The following PCGF6 variants were observed in gnomAD, a reference collection of about 807,000 sequenced individuals.
PCGF6 encodes the protein polycomb group ring finger 6.
In PCGF6, 24 loss-of-function variants were observed where a neutral mutation model predicts 45.5. The observed-to-expected ratio is 0.53, with a 90% CI of 0.38 to 0.74. The LOEUF is 0.74. Among genes scored for constraint, PCGF6 ranks in the 30% least tolerant of loss-of-function variants. The pLI is 0.00. For missense variants in PCGF6, 356 were observed against 443.2 expected (o/e 0.80, Z 1.77); for synonymous variants, 152 against 162.1 (o/e 0.94, Z 0.47).
intron 1 of PCGF6, among the ~76,000 whole-genome samples, chr10:103,350,367 A>T (rs1262662943): frequency 1.3e-5 from 2 of 151,592 alleles, no homozygotes; most frequent in Non-Finnish European, 2.9e-5. Flanking sequence ...TGAGGCCAGG[A>T]GTTGGAGGCT....
Position 103,339,804 on chromosome 10 carries a change from AAAAAAAACAC to A in PCGF6, c.782+5210_782+5219del, listed in dbSNP as rs1442015562. Among the ~76,000 whole-genome samples the A allele has an allele frequency of 6.0e-3, 241 of 39,938 alleles. 4 individuals are homozygous for A. Among genetic ancestry groups the A allele is most frequent in the Non-Finnish European group, 5.9e-3 (117 of 19,898 alleles). The allele number at this position is 39,938 out of a possible 152,430, so 26.2% of individuals were successfully genotyped here. ...AAAAGCGAAATTCTGTCTGTCTCAA[AAAAAAAACAC>A]ACACACACACACACACACACACACA... On this transcript the variant is annotated intron_variant, in intron 6 of 9. Coordinates refer to ENST00000369847, the MANE Select transcript of PCGF6 (RefSeq NM_001011663.2).
At chr10:103,306,313 G>A (rs182398733) in intron 9 of PCGF6, among the ~76,000 whole-genome samples, 3 of 152,144 alleles carry the variant, frequency 2.0e-5, no homozygotes, top group East Asian at 3.9e-4. Flanking sequence ...GGTCAGGCTG[G>A]TCTTGAACTC....
intron 5 of PCGF6, among the ~76,000 whole-genome samples, chr10:103,345,852 T>G (rs1019993224): frequency 4.1e-5 from 6 of 147,170 alleles, no homozygotes; most frequent in Non-Finnish European, 1.5e-5. Flanking sequence ...AAACTGAGGC[T>G]TAGAGAGAGT....
At chr10:103,328,747 T>C (rs1047596876) in intron 7 of PCGF6, among the ~76,000 whole-genome samples, 4 of 152,160 alleles carry the variant, frequency 2.6e-5, no homozygotes, top group Admixed American at 6.6e-5. Flanking sequence ...GATTTTAACT[T>C]TTTTTGTTTG....
chr10:103,347,638 A>C (rs541137296), intron 3 of PCGF6, among the ~76,000 whole-genome samples, 188 bp from the exon 4 acceptor site: 1 of 152,198 alleles, frequency 6.6e-6, no homozygotes, highest in Non-Finnish European at 1.5e-5. Context: ...ATATGTAATC[A>C]TAAGTATTCA....
At chr10:103,313,047 C>A (rs189364532) in intron 9 of PCGF6, among the ~76,000 whole-genome samples, 15 of 152,374 alleles carry the variant, frequency 9.8e-5, no homozygotes, top group Admixed American at 6.5e-4. Flanking sequence ...GTCCTATTTT[C>A]TCTTCATTAA....
At chr10:103,324,328 G>GA (rs35051041) in intron 8 of PCGF6, among the ~76,000 whole-genome samples, 73 of 131,684 alleles carry the variant, frequency 5.5e-4, no homozygotes, top group Middle Eastern at 3.6e-3. Flanking sequence ...TTTGACTAAT[G>GA]AAAAAAAAAA....
chr10:103,321,002 A>T (rs1483594371), intron 8 of PCGF6, among the ~76,000 whole-genome samples: 1 of 152,154 alleles, frequency 6.6e-6, no homozygotes, highest in Non-Finnish European at 1.5e-5. Flanking sequence ...CTCTACCTTA[A>T]ATTTAGGCCT....
chr10:103,305,222 A>T (rs372340928), intron 9 of PCGF6, among the ~76,000 whole-genome samples: 1 of 149,130 alleles, frequency 6.7e-6, no homozygotes, highest in Admixed American at 6.7e-5. Context: ...CAATACCCCC[A>T]TCTTGGCTTC....
intron 6 of PCGF6, among the ~76,000 whole-genome samples, chr10:103,338,852 G>C (rs1437701747): frequency 6.6e-6 from 1 of 152,082 alleles, no homozygotes; most frequent in South Asian, 2.1e-4. Flanking sequence ...TGGACAAGAA[G>C]AGTGAAACTC....
intron 6 of PCGF6, among the ~76,000 whole-genome samples, chr10:103,338,564 G>C (rs2093267151): frequency 1.4e-5 from 2 of 143,050 alleles, no homozygotes. Context: ...AAAAAAAGAA[G>C]ACCATAAAAC....
intron 5 of PCGF6, among the ~76,000 whole-genome samples, chr10:103,346,197 A>G (rs755281103): frequency 7.8e-6 from 1 of 128,306 alleles, no homozygotes; most frequent in Non-Finnish European, 1.6e-5. Context: ...CATCTCATTT[A>G]AAAAAAAAAA....
chr10:103,314,766 A>G (rs2093168535), intron 8 of PCGF6, among the ~76,000 whole-genome samples: 1 of 151,964 alleles, frequency 6.6e-6, no homozygotes, highest in East Asian at 1.9e-4. Context: ...CCTGGCCAAC[A>G]TGGTGAAACC....
rs930258644 is a variant in PCGF6, at chr10:103,326,522, T to C, written c.909+12A>G. 17 of 1,573,986 alleles carry C rather than the reference T, an allele frequency of 1.1e-5. No homozygotes were observed. Among genetic ancestry groups the C allele is most frequent in the Non-Finnish European group, 1.4e-5 (16 of 1,154,714 alleles). On this transcript the variant is annotated intron_variant, in intron 8 of 9. Coordinates refer to ENST00000369847, the MANE Select transcript of PCGF6 (RefSeq NM_001011663.2). The stretch of plus-strand genomic sequence containing the variant: ...ACAACTTTACCTATTCTTTTACATA[T>C]ATGTACTGTACCTGACAAGCTGGAT...
chr10:103,324,775 C>CCCA, intron 8 of PCGF6, among the ~76,000 whole-genome samples: 1 of 86,824 alleles, frequency 1.2e-5, no homozygotes, highest in African/African-American at 4.0e-5. Context: ...AAAAAAAAAC[C>CCCA]AAAAAAAAAA....
intron 6 of PCGF6, among the ~76,000 whole-genome samples, chr10:103,337,456 TAGAAATACAGA>T (rs2093261181): frequency 6.6e-6 from 1 of 152,188 alleles, no homozygotes. Flanking sequence ...ACCTCCAGTT[TAGAAATACAGA>T]AACTGATGAT....
In PCGF6 at chr10:103,345,143, G is replaced by A. The variant is rs767284797; in HGVS notation, c.674-11C>T. 42 of 1,544,208 alleles carry A rather than the reference G, an allele frequency of 2.7e-5. No individual in the cohort carries two copies. The highest frequency in any genetic ancestry group is 3.6e-5 in the Non-Finnish European group (41 of 1,132,924). ...CTGGCTGTGGAACAGCTATTTAATAGTCAAACAAAAATGTTAATTAAGAAT... is the reference window on the plus strand; with the variant it reads ...CTGGCTGTGGAACAGCTATTTAATAATCAAACAAAAATGTTAATTAAGAAT... On this transcript the variant is annotated splice_polypyrimidine_tract_variant and intron_variant, in intron 5 of 9. Transcript: ENST00000369847.
At chr10:103,330,509 T>C (rs982697330) in intron 7 of PCGF6, among the ~76,000 whole-genome samples, 11 of 152,238 alleles carry the variant, frequency 7.2e-5, no homozygotes, top group Non-Finnish European at 2.9e-5. Context: ...AACAGCTTTA[T>C]TGAGATGTAA....
intron 8 of PCGF6, among the ~76,000 whole-genome samples, chr10:103,317,114 G>A (rs890931327): frequency 2.0e-5 from 3 of 152,114 alleles, no homozygotes; most frequent in Admixed American, 6.6e-5. Flanking sequence ...AGGTTGAAGC[G>A]ATTCTCATGC....
Sources: gnomAD v4.1 joint callset for allele counts (sites outside exome capture counted in the v4.1 genomes callset) on GRCh38, gnomAD v4.1.1 for gene constraint, MANE v1.5 for transcripts, NCBI Gene and HGNC (gene_info 2026-07-23, HGNC 2026-07-21) for gene names.